FEZ2: variants seen among roughly 807,000 people sequenced by gnomAD.
The protein encoded by FEZ2 is fasciculation and elongation protein zeta-2.
In FEZ2, 51 loss-of-function variants were observed where a neutral mutation model predicts 40.4. That is an observed-to-expected ratio of 1.26 (90% CI 1.01 to 1.59). The LOEUF is 1.59. Among genes scored for constraint, FEZ2 ranks in the 40% most tolerant of loss-of-function variants. The pLI is 0.00. For missense variants in FEZ2, 640 were observed against 438.3 expected (o/e 1.46, Z -4.11); for synonymous variants, 242 against 172.0 (o/e 1.41, Z -3.18).
rs1668738987 is a variant in FEZ2 at position 36,581,315 on chromosome 2, C to T, written c.609G>A (p.Arg203=). 6 of 1,613,888 alleles carry T rather than the reference C, an allele frequency of 3.7e-6. No homozygotes were observed. The African/African-American group carries it at 8.0e-5, about 22-fold the overall frequency. The change falls in exon 4 of 8, where the codon AGG becomes AGA. Residue 203 remains arginine, a synonymous_variant. Coordinates refer to ENST00000405912, the MANE Select transcript of FEZ2 (RefSeq NM_005102.3). ...MLSQEIQTLK[R]SSTGSYEERV... ...TCTCTTCATAACTGCCGGTACTAGA[C>T]CTCTTGAGAGTTTGAATTTCCTGGG...
intron 5 of FEZ2, among the ~76,000 whole-genome samples, chr2:36,566,869 A>G (rs1447629004): frequency 6.6e-6 from 1 of 152,204 alleles, no homozygotes; most frequent in Non-Finnish European, 1.5e-5. Flanking sequence ...CTTATTTGTA[A>G]ATCCTACGAG....
At chr2:36,557,284 A>T (rs1667982470) in intron 6 of FEZ2, 1 of 152,198 alleles carries the variant, frequency 6.6e-6, no homozygotes, top group South Asian at 2.1e-4. Context: ...TCCTGAAAAT[A>T]AGAGGGCTAG....
intron 4 of FEZ2, 94 bp downstream of exon 4, chr2:36,581,196 G>C (rs1181688785): frequency 1.8e-6 from 2 of 1,124,796 alleles, no homozygotes; most frequent in Non-Finnish European, 1.3e-6. Flanking sequence ...CAAACAGAAG[G>C]AGGATGAAAT....
At chr2:36,571,675 A>G (rs1288237030) in intron 5 of FEZ2, among the ~76,000 whole-genome samples, 1 of 151,730 alleles carries the variant, frequency 6.6e-6, no homozygotes, top group Non-Finnish European at 1.5e-5. Context: ...AATGTATGTC[A>G]GGTAGAATTT....
At chr2:36,580,834 T>A (rs767803887) in intron 4 of FEZ2, among the ~76,000 whole-genome samples, 4 of 152,096 alleles carry the variant, frequency 2.6e-5, no homozygotes, top group Non-Finnish European at 5.9e-5. Context: ...TAGACCCTAA[T>A]CCAATATGAT....
chr2:36,575,808 T>G (rs1022069415), intron 5 of FEZ2, among the ~76,000 whole-genome samples: 6 of 152,198 alleles, frequency 3.9e-5, no homozygotes, highest in Admixed American at 2.6e-4. Flanking sequence ...TAGAGTATCT[T>G]TGGACCAAAG....
At chr2:36,554,983 T>TA (rs1000835567) in intron 7 of FEZ2, among the ~76,000 whole-genome samples, 36 of 152,144 alleles carry the variant, frequency 2.4e-4, no homozygotes, top group Admixed American at 1.8e-3. Flanking sequence ...CCTGCTACTT[T>TA]AAAAAAATAT....
intron 7 of FEZ2, 107 bp from the exon 8 acceptor site, chr2:36,553,286 A>C (rs1315956015): frequency 2.3e-6 from 2 of 851,358 alleles, no homozygotes. Flanking sequence ...ATGAGAACTA[A>C]ATGTTAATGC....
chr2:36,575,146 C>T (rs1668524444), intron 5 of FEZ2, among the ~76,000 whole-genome samples: 1 of 152,136 alleles, frequency 6.6e-6, no homozygotes, highest in East Asian at 1.9e-4. Flanking sequence ...ACTATAAGCT[C>T]CAGGAAGGCA....
intron 5 of FEZ2, among the ~76,000 whole-genome samples, chr2:36,562,339 G>A (rs1179289945): frequency 6.6e-6 from 1 of 152,106 alleles, no homozygotes; most frequent in Non-Finnish European, 1.5e-5. Context: ...AGAGCGTAAA[G>A]AAGTCTTGAT....
chr2:36,578,509 C>A (rs995353588), intron 5 of FEZ2, 88 bp downstream of exon 5: 3 of 1,370,546 alleles, frequency 2.2e-6, no homozygotes, highest in Middle Eastern at 1.9e-4. Flanking sequence ...CCATGTACAA[C>A]CTGTCGCACC....
intron 5 of FEZ2, among the ~76,000 whole-genome samples, chr2:36,578,378 A>G (rs977202105): frequency 6.6e-6 from 1 of 152,220 alleles, no homozygotes. Flanking sequence ...TAAACATTTC[A>G]GTATTATTCA....
intron 5 of FEZ2, among the ~76,000 whole-genome samples, chr2:36,575,513 G>A (rs2125231906): frequency 6.6e-6 from 1 of 151,988 alleles, no homozygotes; most frequent in African/African-American, 2.4e-5. Context: ...CCTGCCACAG[G>A]AAAGCACTCC....
intron 2 of FEZ2, among the ~76,000 whole-genome samples, chr2:36,585,142 T>C (rs554162705): frequency 6.6e-6 from 1 of 152,208 alleles, no homozygotes; most frequent in South Asian, 2.1e-4. Context: ...GGAATCAAAA[T>C]GTCAAGTGAA....
chr2:36,579,127 T>A (rs1170971230), intron 4 of FEZ2: 3 of 413,464 alleles, frequency 7.3e-6, no homozygotes. Flanking sequence ...AAGTTTTTAC[T>A]TGTGCAAATA....
At chr2:36,587,444 T>C (rs1486572127) in intron 2 of FEZ2, among the ~76,000 whole-genome samples, 2 of 152,206 alleles carry the variant, frequency 1.3e-5, no homozygotes, top group African/African-American at 4.8e-5. Context: ...GTGGTACTGT[T>C]TCCCTGTATA....
intron 5 of FEZ2, among the ~76,000 whole-genome samples, chr2:36,577,858 A>G (rs1050244316): frequency 6.6e-6 from 1 of 152,256 alleles, no homozygotes; most frequent in African/African-American, 2.4e-5. Context: ...TTGATATCAC[A>G]AATTAAAAAG....
At chr2:36,591,660 C>T (rs1467311761) in intron 1 of FEZ2, 1 of 152,336 alleles carries the variant, frequency 6.6e-6, no homozygotes, top group Admixed American at 6.6e-5. Flanking sequence ...CACAATAAAA[C>T]ACACCCAGGC....
At chr2:36,590,244 C>G (rs1330729747) in intron 2 of FEZ2, 1 of 152,200 alleles carries the variant, frequency 6.6e-6, no homozygotes, top group African/African-American at 2.4e-5. Flanking sequence ...AGTCTCCTGA[C>G]AACATATCAT....
Sources: gnomAD v4.1 joint callset for allele counts (sites outside exome capture counted in the v4.1 genomes callset) on GRCh38, gnomAD v4.1.1 for gene constraint, MANE v1.5 for transcripts, NCBI Gene and HGNC (gene_info 2026-07-23, HGNC 2026-07-21) for gene names.